The following RUBCN variants were observed in gnomAD, a reference collection of about 807,000 sequenced individuals.
RUBCN encodes rubicon autophagy regulator.
RUBCN carries 74 observed loss-of-function variants against 113.2 expected under a neutral mutation model. The ratio of observed to expected loss-of-function variants is 0.65; its 90% CI spans 0.54 to 0.79. The LOEUF (loss-of-function observed/expected upper bound fraction) is 0.79. RUBCN is among the 30% of genes least tolerant of loss of function. The pLI is 0.00. For synonymous variants in RUBCN, 480 were observed against 490.0 expected (o/e 0.98, Z 0.27); for missense variants, 1,109 against 1,251.7 (o/e 0.89, Z 1.72).
intron 5 of RUBCN, among the ~76,000 whole-genome samples, chr3:197,703,003 T>G (rs956452146): frequency 3.3e-5 from 5 of 152,112 alleles, no homozygotes; most frequent in African/African-American, 1.2e-4. Context: ...TAACAAAATC[T>G]ACCTCCCCAC....
chr3:197,693,177 T>C (rs763375272), intron 11 of RUBCN, among the ~76,000 whole-genome samples: 1 of 152,158 alleles, frequency 6.6e-6, no homozygotes, highest in Non-Finnish European at 1.5e-5. Context: ...TCTATGCTGA[T>C]ACTCCTACCA....
rs35071969 is a variant in RUBCN, at chr3:197,682,470, G to A, written c.2126C>T (p.Thr709Met). The change falls in exon 14 of 20, where the codon ACG (threonine) becomes ATG (methionine). Residue 709 changes from threonine to methionine, a missense_variant and splice_region_variant. Coordinates refer to ENST00000296343, the MANE Select transcript of RUBCN (RefSeq NM_014687.4). The stretch of plus-strand genomic sequence containing the variant: ...AAGGGCACAGACACTGGCCACTCAC[G>A]TTGGGGCTGGATGAACATTAAAAAT... ...QIIFNVHPAP[T>M]RKIAVAKQNY... The A allele has an allele frequency of 0.017, 26,674 of 1,614,114 alleles. 269 individuals carry two copies. The highest frequency in any genetic ancestry group is 0.022 in the Middle Eastern group (136 of 6,062).
In RUBCN at chr3:197,698,006, G is replaced by A. The variant is rs191686238; in HGVS notation, c.1262-957C>T. ...CTGAACTGAGGACAAACTAGTAGTC[G>A]CCACGATGCCTTGGTAAAAAACCAT... is the stretch of plus-strand genomic sequence containing the variant. On this transcript the variant is annotated intron_variant, in intron 7 of 19. Transcript: ENST00000296343. Among the ~76,000 whole-genome samples the A allele has an allele frequency of 6.6e-5, 10 of 152,278 alleles. No individual in the cohort carries two copies. The East Asian group carries it at 1.5e-3, about 23-fold the overall frequency.
chr3:197,738,960 T>C (rs1294146067), upstream of RUBCN, among the ~76,000 whole-genome samples: 1 of 151,858 alleles, frequency 6.6e-6, no homozygotes, highest in African/African-American at 2.4e-5. Flanking sequence ...AAATTAACAC[T>C]ATATTATTTA....
rs1029363747 is a variant in RUBCN, at chr3:197,670,122, C to T, written c.*4896G>A. ...CAGGATGGTCCCAATCTCTTGACCT[C>T]GTGATCCGCCCGCCTCGGCCTCCCA... On this transcript the variant is annotated 3_prime_UTR_variant, in exon 20 of 20. Coordinates refer to ENST00000296343, the MANE Select transcript of RUBCN (RefSeq NM_014687.4). Among the ~76,000 whole-genome samples the T allele has an allele frequency of 1.3e-4, 20 of 152,266 alleles. No homozygotes were observed. Among genetic ancestry groups the T allele is most frequent in the African/African-American group, 4.6e-4 (19 of 41,572 alleles).
intron 1 of RUBCN, among the ~76,000 whole-genome samples, chr3:197,724,844 A>G (rs1348071608): frequency 2.0e-5 from 3 of 152,230 alleles, no homozygotes; most frequent in African/African-American, 7.2e-5. Context: ...ACTGTAGAGA[A>G]GAGCAGAATT....
intron 2 of RUBCN, among the ~76,000 whole-genome samples, chr3:197,705,852 C>T (rs770071131): frequency 3.9e-5 from 6 of 152,034 alleles, no homozygotes; most frequent in Non-Finnish European, 7.4e-5. Flanking sequence ...CTCAGCCTCC[C>T]GAACAGCTAG....
At chr3:197,727,664 T>G (rs1197586266) in intron 1 of RUBCN, among the ~76,000 whole-genome samples, 1 of 152,144 alleles carries the variant, frequency 6.6e-6, no homozygotes, top group Non-Finnish European at 1.5e-5. Flanking sequence ...CTCACTGAAG[T>G]AGGAAAGCTA....
intron 14 of RUBCN, 106 bp from the exon 15 acceptor site, chr3:197,682,005 GAGAGGGGAATTCAC>G: frequency 1.1e-6 from 1 of 873,546 alleles, no homozygotes; most frequent in Non-Finnish European, 1.9e-6. Flanking sequence ...AGTATGGGAA[GAGAGGGGAATTCAC>G]CTACATTTTA....
chr3:197,714,838 C>T (rs2108949185), intron 2 of RUBCN, among the ~76,000 whole-genome samples: 1 of 151,996 alleles, frequency 6.6e-6, no homozygotes, highest in East Asian at 1.9e-4. Flanking sequence ...GATACTAAAC[C>T]CCAGTGACTC....
rs11920953 is a variant in RUBCN, at chr3:197,727,990, T to C, written c.65+8665A>G. Among the ~76,000 whole-genome samples, 227 of 115,292 alleles carry C rather than the reference T, an allele frequency of 2.0e-3. 1 individual carries two copies. The highest frequency in any genetic ancestry group is 4.7e-3 in the Middle Eastern group (1 of 212). 75.6% of individuals were successfully genotyped at this position (115,292 alleles called of 152,430 possible). A position where few individuals can be genotyped will look rare whatever the true frequency, so the allele number is the denominator to read the frequency against. Reference sequence around the variant, plus strand: ...GTAAAAGGCACGCTGGGCACAGCGGTACATGCCTGTAGTCCCAGCTCCTCA... The same window carrying C: ...GTAAAAGGCACGCTGGGCACAGCGGCACATGCCTGTAGTCCCAGCTCCTCA... On this transcript the variant is annotated intron_variant, in intron 1 of 19. Transcript: ENST00000296343.
intron 7 of RUBCN, chr3:197,699,195 G>A: frequency 1.3e-6 from 2 of 1,550,120 alleles, no homozygotes; most frequent in Non-Finnish European, 8.7e-7. Flanking sequence ...ACCTGCAATG[G>A]GATCTTCAAC....
intron 1 of RUBCN, among the ~76,000 whole-genome samples, chr3:197,734,890 G>A (rs1727945591): frequency 1.3e-5 from 2 of 152,294 alleles, no homozygotes; most frequent in Non-Finnish European, 2.9e-5. Context: ...TCTCAGGCAG[G>A]AGCCCCAAAG....
intron 1 of RUBCN, among the ~76,000 whole-genome samples, chr3:197,724,314 G>A (rs1032995963): frequency 5.3e-5 from 8 of 152,012 alleles, no homozygotes; most frequent in Admixed American, 5.2e-4. Flanking sequence ...ACAAAACTCT[G>A]TAAAGTATTA....
intron 11 of RUBCN, chr3:197,691,023 C>A (rs1722361113): frequency 9.9e-7 from 1 of 1,005,488 alleles, no homozygotes; most frequent in South Asian, 1.3e-5. Context: ...GCTGGTGCAA[C>A]ATTCTCACAC....
rs556354856 is a variant in RUBCN at position 197,730,307 on chromosome 3, A to G, written c.65+6348T>C. 2.0e-5 allele frequency among the ~76,000 whole-genome samples: 3 copies of G among 152,322 alleles called. No homozygotes were observed. The South Asian group carries it at 6.2e-4, about 32-fold the overall frequency. On this transcript the variant is annotated intron_variant, in intron 1 of 19. Coordinates refer to ENST00000296343, the MANE Select transcript of RUBCN (RefSeq NM_014687.4). ...TAGGCCTGACTAAGCAGAATAGCCC[A>G]TACCCCGACCACAAGAACAGAAACA...
intron 9 of RUBCN, 98 bp downstream of exon 9, chr3:197,695,768 A>T: frequency 9.3e-7 from 1 of 1,080,552 alleles, no homozygotes; most frequent in South Asian, 1.3e-5. Flanking sequence ...TCTTTACTGT[A>T]ATCTATACCC....
At position 197,683,388 on chromosome 3, in the gene RUBCN, G is replaced by A. The variant is rs368481197; in HGVS notation, c.1899C>T (p.Leu633=). The A allele has an allele frequency of 1.2e-6, 2 of 1,614,160 alleles. No individual in the cohort carries two copies. Among genetic ancestry groups the A allele is most frequent in the Non-Finnish European group, 1.7e-6 (2 of 1,180,022 alleles). The change falls in exon 13 of 20, where the codon CTC becomes CTT. Residue 633 remains leucine, a synonymous_variant. Transcript: ENST00000296343. This position sits in a 1 kb window ranked among gnomAD's most constrained non-coding sequence, Gnocchi z 4.6. The part of the protein sequence containing the change: ...STSAEAVAMG[L]LKQFEGMQLP... ...GCTGCATCCCCTCAAACTGCTTCAG[G>A]AGCCCCATGGCCACCGCCTCAGCAG...
chr3:197,685,861 T>C (rs73894304), intron 11 of RUBCN, among the ~76,000 whole-genome samples: 23,485 of 152,224 alleles, frequency 0.15, 2,742 homozygotes, highest in African/African-American at 0.33. Flanking sequence ...TAGGCCAGAC[T>C]TTCACAGACT....
Sources: gnomAD v4.1 joint callset for allele counts (sites outside exome capture counted in the v4.1 genomes callset) on GRCh38, gnomAD v4.1.1 for gene constraint, Gnocchi (gnomAD v3.1) non-coding constraint, MANE v1.5 for transcripts, NCBI Gene and HGNC (gene_info 2026-07-23, HGNC 2026-07-21) for gene names.